ADAMTS3: variants seen among roughly 807,000 people sequenced by gnomAD.
ADAMTS3 encodes the protein ADAM metallopeptidase with thrombospondin type 1 motif 3.
Under a neutral mutation model 129.0 loss-of-function variants are expected in ADAMTS3, and 73 were observed. The observed-to-expected ratio is 0.57, with a 90% CI of 0.47 to 0.69. ADAMTS3 has a LOEUF of 0.69. Among genes scored for constraint, ADAMTS3 ranks in the 30% least tolerant of loss-of-function variants. The probability of loss-of-function intolerance (pLI) is 0.00; values close to 1 mark genes in which losing one functional copy is unlikely to be tolerated. For missense variants in ADAMTS3, 1,457 were observed against 1,514.5 expected (o/e 0.96, Z 0.63); for synonymous variants, 477 against 510.8 (o/e 0.93, Z 0.89).
At chr4:72,555,308 T>C (rs1398523871) in intron 2 of ADAMTS3, among the ~76,000 whole-genome samples, 1 of 151,754 alleles carries the variant, frequency 6.6e-6, no homozygotes, top group Non-Finnish European at 1.5e-5. Context: ...CCTACTGAAA[T>C]ATTCTGTCTA....
chr4:72,284,964 A>C (rs960794504), intron 21 of ADAMTS3, among the ~76,000 whole-genome samples: 3 of 152,226 alleles, frequency 2.0e-5, no homozygotes, highest in Admixed American at 6.5e-5. Context: ...TATGTGCAAC[A>C]CAGAAACACT....
intron 3 of ADAMTS3, among the ~76,000 whole-genome samples, chr4:72,518,136 G>A (rs930287239): frequency 9.2e-5 from 14 of 152,246 alleles, no homozygotes; most frequent in Admixed American, 8.5e-4. Context: ...TTTCCATGTA[G>A]TTGAGCGGTT....
chr4:72,549,962 A>AAAAAG (rs1553922658), intron 2 of ADAMTS3, among the ~76,000 whole-genome samples: 1 of 30,894 alleles, frequency 3.2e-5, no homozygotes, highest in Non-Finnish European at 5.9e-5. Flanking sequence ...AAAAAAAAAA[A>AAAAAG]AAGAAGAAGA....
At chr4:72,565,843 T>C (rs12648992) in intron 2 of ADAMTS3, among the ~76,000 whole-genome samples, 63,936 of 152,038 alleles carry the variant, frequency 0.42, 13,871 homozygotes, top group South Asian at 0.61. Flanking sequence ...GGGCCTCTTA[T>C]ATGAGAGCAT....
chr4:72,371,354 A>G (rs1030310500), intron 4 of ADAMTS3, among the ~76,000 whole-genome samples: 1 of 152,146 alleles, frequency 6.6e-6, no homozygotes, highest in African/African-American at 2.4e-5. Context: ...AAAAAAATTA[A>G]TGCTTACAAG....
intron 3 of ADAMTS3, among the ~76,000 whole-genome samples, chr4:72,464,811 G>A (rs1272424908): frequency 6.6e-6 from 1 of 152,070 alleles, no homozygotes; most frequent in Admixed American, 6.6e-5. Flanking sequence ...TCACAACTTA[G>A]TGTTCAAACT....
chr4:72,342,488 C>T (rs1021067924), intron 4 of ADAMTS3, among the ~76,000 whole-genome samples: 1 of 151,666 alleles, frequency 6.6e-6, no homozygotes, highest in Admixed American at 6.6e-5. Context: ...CTCAACCTCC[C>T]GAGTAGCTGG....
At chr4:72,313,355 C>T (rs1719297681) in intron 12 of ADAMTS3, among the ~76,000 whole-genome samples, 1 of 152,292 alleles carries the variant, frequency 6.6e-6, no homozygotes, top group East Asian at 1.9e-4. Flanking sequence ...TCTCTTGTTT[C>T]TGGCAGTCAA....
chr4:72,291,548 A>G (rs1578555429), intron 19 of ADAMTS3, among the ~76,000 whole-genome samples: 1 of 151,406 alleles, frequency 6.6e-6, no homozygotes, highest in Non-Finnish European at 1.5e-5. Flanking sequence ...ATGATTTCCA[A>G]TTTCATCCAT....
chr4:72,370,448 A>T (rs942663995), intron 4 of ADAMTS3, among the ~76,000 whole-genome samples: 1 of 152,154 alleles, frequency 6.6e-6, no homozygotes, highest in African/African-American at 2.4e-5. Flanking sequence ...TGCTTATTAT[A>T]TCTGCGCTGC....
At chr4:72,494,009 G>T (rs1719811046) in intron 3 of ADAMTS3, among the ~76,000 whole-genome samples, 1 of 151,914 alleles carries the variant, frequency 6.6e-6, no homozygotes, top group African/African-American at 2.4e-5. Context: ...TTCTATCTTT[G>T]TCTTTGACAT....
chr4:72,480,333 G>A (rs1719396049), intron 3 of ADAMTS3, among the ~76,000 whole-genome samples: 1 of 152,062 alleles, frequency 6.6e-6, no homozygotes, highest in South Asian at 2.1e-4. Context: ...AAGAAAACGT[G>A]GCACATATAC....
intron 5 of ADAMTS3, among the ~76,000 whole-genome samples, chr4:72,331,426 G>A (rs1326012668): frequency 1.3e-5 from 2 of 152,126 alleles, no homozygotes; most frequent in African/African-American, 4.8e-5. Context: ...ATAGCATAGT[G>A]TGTAACAGAG....
intron 3 of ADAMTS3, among the ~76,000 whole-genome samples, chr4:72,485,947 A>G (rs1719579946): frequency 6.6e-6 from 1 of 152,178 alleles, no homozygotes; most frequent in African/African-American, 2.4e-5. Context: ...CTGGGCCCTC[A>G]CTGGACACTG....
intron 3 of ADAMTS3, among the ~76,000 whole-genome samples, chr4:72,527,981 T>TA (rs1160275615): frequency 6.6e-6 from 1 of 152,136 alleles, no homozygotes; most frequent in Non-Finnish European, 1.5e-5. Flanking sequence ...GACTTGTGGA[T>TA]ACAGAAGTAA....
At chr4:72,343,328 C>T (rs1480203540) in intron 4 of ADAMTS3, among the ~76,000 whole-genome samples, 2 of 152,178 alleles carry the variant, frequency 1.3e-5, no homozygotes, top group Non-Finnish European at 2.9e-5. Flanking sequence ...CCAGCATTCA[C>T]CTAGCAAGTT....
chr4:72,286,054 A>T (rs945615780), intron 21 of ADAMTS3, among the ~76,000 whole-genome samples: 1 of 152,234 alleles, frequency 6.6e-6, no homozygotes, highest in African/African-American at 2.4e-5. Flanking sequence ...CAATTTTAGA[A>T]CAACAGAACA....
At chr4:72,437,748 C>T (rs537792490) in intron 3 of ADAMTS3, among the ~76,000 whole-genome samples, 2 of 151,800 alleles carry the variant, frequency 1.3e-5, no homozygotes, top group Admixed American at 6.6e-5. Context: ...TGATTATTTT[C>T]ACTACCAACA....
intron 3 of ADAMTS3, among the ~76,000 whole-genome samples, chr4:72,501,747 G>A (rs1421217677): frequency 4.0e-5 from 6 of 151,870 alleles, no homozygotes; most frequent in Non-Finnish European, 8.8e-5. Context: ...CTATGGGTTG[G>A]TCATAGACAG....
Sources: gnomAD v4.1 joint callset for allele counts (sites outside exome capture counted in the v4.1 genomes callset) on GRCh38, gnomAD v4.1.1 for gene constraint, MANE v1.5 for transcripts, NCBI Gene and HGNC (gene_info 2026-07-23, HGNC 2026-07-21) for gene names.